The following LRP5 variants were observed in gnomAD, a reference collection of about 807,000 sequenced individuals.
LRP5 encodes the protein LDL receptor related protein 5.
A neutral mutation model predicts 154.1 loss-of-function variants in LRP5; 62 were observed. That is an observed-to-expected ratio of 0.40 (90% CI 0.33 to 0.50). The LOEUF (loss-of-function observed/expected upper bound fraction) is 0.50, where lower values mean the gene tolerates loss of function less well. Among genes scored for constraint, LRP5 ranks in the 20% least tolerant of loss-of-function variants. LRP5 has a pLI of 0.55. For missense variants in LRP5, 1,915 were observed against 2,336.7 expected (o/e 0.82, Z 3.72); for synonymous variants, 966 against 1,011.5 (o/e 0.96, Z 0.85).
In LRP5 at chr11:68,365,705, G is replaced by A. The variant is rs1203873252; in HGVS notation, c.1015+3G>A. 1.2e-6 allele frequency: 2 copies of A among 1,605,856 alleles called. No homozygotes were observed. The highest frequency in any genetic ancestry group is 8.5e-7 in the Non-Finnish European group (1 of 1,176,190). ...CAACGGCAGGACGTGTAAGGCAGGT[G>A]AGGCGGTGGGACGGGACGGGGCGGG... On this transcript the variant is annotated splice_donor_region_variant and intron_variant, in intron 5 of 22. Transcript: ENST00000294304.
chr11:68,385,574 C>G (rs982354583), intron 5 of LRP5, among the ~76,000 whole-genome samples: 1 of 152,140 alleles, frequency 6.6e-6, no homozygotes, highest in African/African-American at 2.4e-5. Context: ...GGAGGTGTTT[C>G]TCATCTCGCA....
chr11:68,336,808 C>T (rs1289408244), intron 1 of LRP5, among the ~76,000 whole-genome samples: 1 of 152,182 alleles, frequency 6.6e-6, no homozygotes, highest in African/African-American at 2.4e-5. Flanking sequence ...ATACATATAA[C>T]ACTTATCGTC....
rs368597184 is a variant in LRP5, at chr11:68,423,930, C to T, written c.3236+233C>T. On this transcript the variant is annotated intron_variant, in intron 14 of 22. Coordinates refer to ENST00000294304, the MANE Select transcript of LRP5 (RefSeq NM_002335.4). The surrounding 1 kb of genome is among the most constrained non-coding windows in gnomAD (Gnocchi z 4.7). ...GCTCTGCTGAGAGGTTACAAGGCAG[C>T]GCTGGCCGACGGGAGTTGCAGTTGA... Among the ~76,000 whole-genome samples the T allele has an allele frequency of 7.9e-5, 12 of 152,346 alleles. No homozygotes were observed. The highest frequency in any genetic ancestry group is 2.1e-4 in the South Asian group (1 of 4,834).
chr11:68,400,389 A>G (rs533403691), intron 7 of LRP5, among the ~76,000 whole-genome samples: 79 of 152,236 alleles, frequency 5.2e-4, no homozygotes, highest in African/African-American at 1.9e-3. Context: ...AAAGTGTGGA[A>G]ATAGAGCAAG....
At chr11:68,389,851 T>C (rs374692973) in intron 6 of LRP5, 30 bp from the exon 7 acceptor site, 8 of 1,613,848 alleles carry the variant, frequency 5.0e-6, no homozygotes, top group Non-Finnish European at 6.8e-6. Context: ...GACAGACTCA[T>C]GGGGTCATGG....
chr11:68,382,743 A>G (rs2098640925), intron 5 of LRP5, among the ~76,000 whole-genome samples: 1 of 152,010 alleles, frequency 6.6e-6, no homozygotes, highest in Non-Finnish European at 1.5e-5. Flanking sequence ...AAGTGAAGTG[A>G]GCTTTCCTCT....
intron 7 of LRP5, among the ~76,000 whole-genome samples, chr11:68,399,668 A>T (rs895832884): frequency 5.9e-5 from 9 of 152,112 alleles, no homozygotes; most frequent in Non-Finnish European, 1.3e-4. Flanking sequence ...TTGTCCCCTG[A>T]CGCCCAGAGG....
At chr11:68,321,885 G>T (rs1390227083) in intron 1 of LRP5, among the ~76,000 whole-genome samples, 1 of 152,208 alleles carries the variant, frequency 6.6e-6, no homozygotes, top group Admixed American at 6.5e-5. Flanking sequence ...AGCTATCTGA[G>T]CGTGTGGCCT....
At chr11:68,431,899 G>A (rs1190290508) in intron 17 of LRP5, among the ~76,000 whole-genome samples, 1 of 152,088 alleles carries the variant, frequency 6.6e-6, no homozygotes, top group African/African-American at 2.4e-5. Context: ...CTCCTGGCTC[G>A]GGAACTCCAG....
At chr11:68,390,300 CTG>C (rs1354105164) in intron 7 of LRP5, among the ~76,000 whole-genome samples, 6 of 152,234 alleles carry the variant, frequency 3.9e-5, no homozygotes, top group Admixed American at 1.3e-4. Flanking sequence ...TACTTGGAGA[CTG>C]AGGTGGGAGG....
At chr11:68,441,220 C>T (rs538185604) in intron 21 of LRP5, among the ~76,000 whole-genome samples, 10 of 152,214 alleles carry the variant, frequency 6.6e-5, no homozygotes, top group South Asian at 4.1e-4. Flanking sequence ...TAGGACTGCA[C>T]GCATGCATCC....
In LRP5 at chr11:68,436,881, C is replaced by A; in HGVS notation, c.4001-8C>A. ...CAGCCTCTCTGAGTGCATGGCCTCT[C>A]CTTGCAGCCATCTGCCTGCCCAACC... is the stretch of plus-strand genomic sequence containing the variant. On this transcript the variant is annotated splice_region_variant and splice_polypyrimidine_tract_variant and intron_variant, in intron 18 of 22. Transcript: ENST00000294304. The A allele has an allele frequency of 6.2e-7, 1 of 1,609,404 alleles. No individual in the cohort carries two copies. The highest frequency in any genetic ancestry group is 8.5e-7 in the Non-Finnish European group (1 of 1,176,128).
rs545211070 is a variant in LRP5, at chr11:68,434,404, G to A, written c.4000+566G>A. On this transcript the variant is annotated intron_variant, in intron 18 of 22. Transcript: ENST00000294304. ...TTCATTCATTCATTCATTCGAGACA[G>A]AGTCTTGCTCTGTCACCCAGGCTGG... 1.4e-4 allele frequency among the ~76,000 whole-genome samples: 21 copies of A among 151,722 alleles called. 1 individual carries two copies. In the South Asian group the frequency reaches 3.7e-3, roughly 27 times the overall value.
At chr11:68,415,498 C>T (rs2098662046) in intron 12 of LRP5, among the ~76,000 whole-genome samples, 1 of 152,156 alleles carries the variant, frequency 6.6e-6, no homozygotes, top group East Asian at 1.9e-4. Context: ...GTTATCCCAG[C>T]ACTTTGGGAG....
At chr11:68,388,881 C>T (rs1464772483) in intron 6 of LRP5, among the ~76,000 whole-genome samples, 1 of 152,178 alleles carries the variant, frequency 6.6e-6, no homozygotes, top group Non-Finnish European at 1.5e-5. Context: ...ACTGGGCTTG[C>T]CGCTGGCATG....
the LRP5 span, among the ~76,000 whole-genome samples, chr11:68,302,388 G>A: frequency 5.3e-5 from 8 of 150,606 alleles, no homozygotes; most frequent in African/African-American, 1.7e-4. Flanking sequence ...TGACAAGCCC[G>A]GTCCTGGGGC....
At chr11:68,314,656 T>C (rs1252765952) in intron 1 of LRP5, among the ~76,000 whole-genome samples, 2 of 152,324 alleles carry the variant, frequency 1.3e-5, no homozygotes, top group East Asian at 3.9e-4. Flanking sequence ...CAAGCCCTAG[T>C]CCTCTCTCCT....
At chr11:68,398,601 T>G (rs2098650866) in intron 7 of LRP5, among the ~76,000 whole-genome samples, 1 of 151,780 alleles carries the variant, frequency 6.6e-6, no homozygotes, top group South Asian at 2.1e-4. Context: ...CCACCTGTTT[T>G]CACACCATGC....
intron 13 of LRP5, among the ~76,000 whole-genome samples, chr11:68,422,385 C>G (rs2098666288): frequency 1.3e-5 from 2 of 152,214 alleles, no homozygotes; most frequent in East Asian, 3.8e-4. Flanking sequence ...GGCAGGAGCC[C>G]AGGTGCTCCA....
Sources: gnomAD v4.1 joint callset for allele counts (sites outside exome capture counted in the v4.1 genomes callset) on GRCh38, gnomAD v4.1.1 for gene constraint, Gnocchi (gnomAD v3.1) non-coding constraint, MANE v1.5 for transcripts, NCBI Gene and HGNC (gene_info 2026-07-23, HGNC 2026-07-21) for gene names.